Variants in FASTKD2 observed in about 807,000 individuals in gnomAD.
The protein encoded by FASTKD2 is FAST kinase domains 2.
FASTKD2 carries 51 observed loss-of-function variants against 63.6 expected under a neutral mutation model. The observed-to-expected ratio is 0.80, with a 90% CI of 0.64 to 1.01. The LOEUF is 1.01. FASTKD2 is among the 50% of genes least tolerant of loss of function. The probability of loss-of-function intolerance (pLI) is 0.00; values close to 1 mark genes in which losing one functional copy is unlikely to be tolerated. For synonymous variants in FASTKD2, 284 were observed against 293.4 expected (o/e 0.97, Z 0.33); for missense variants, 786 against 831.1 (o/e 0.95, Z 0.67).
In FASTKD2 at chr2:206,766,853, G is replaced by T. The variant is rs1052476894; in HGVS notation, c.160G>T (p.Val54Phe). 10 of 1,607,308 alleles carry T rather than the reference G, an allele frequency of 6.2e-6. No homozygotes were observed. The African/African-American group carries it at 1.3e-4, about 22-fold the overall frequency. The change falls in exon 2 of 12, where the codon GTT (valine) becomes TTT (phenylalanine). Residue 54 changes from valine (V) to phenylalanine (F), a missense_variant. Coordinates refer to ENST00000402774, the MANE Select transcript of FASTKD2 (RefSeq NM_001136193.2). ...CCLGLCKPKI[V>F]HSNWNILNNF... ...TTTGGGACTTTGCAAACCAAAAATA[G>T]TTCATTCAAACTGGAACATTTTAAA...
chr2:206,774,996 C>A (rs147274379), intron 7 of FASTKD2, among the ~76,000 whole-genome samples: 20 of 151,934 alleles, frequency 1.3e-4, no homozygotes, highest in Non-Finnish European at 2.9e-4. Flanking sequence ...TGGAGTCATG[C>A]GGTATTTGTC....
intron 7 of FASTKD2, chr2:206,783,258 G>A (rs754690230): frequency 1.3e-4 from 19 of 147,830 alleles, no homozygotes; most frequent in African/African-American, 4.2e-4. Flanking sequence ...CCCAGTCTCC[G>A]GTGCAGCCTT....
rs1689411130 is a variant in FASTKD2, at chr2:206,765,606, G to T, written c.-192G>T. The stretch of plus-strand genomic sequence containing the variant: ...CTCGTGAGAAGCGCAGCTTCTCGGG[G>T]AAGCTGTCATGGCTGCTCCTGTACG... On this transcript the variant is annotated 5_prime_UTR_variant, in exon 1 of 12. Coordinates refer to ENST00000402774, the MANE Select transcript of FASTKD2 (RefSeq NM_001136193.2). 2.1e-6 allele frequency: 2 copies of T among 968,354 alleles called. No individual in the cohort carries two copies. The allele number at this position is 968,354 out of a possible 1,614,324, so 60.0% of individuals were successfully genotyped here. A position where few individuals can be genotyped will look rare whatever the true frequency, so the allele number is the denominator to read the frequency against.
rs1690333494 is a variant in FASTKD2 at position 206,793,103 on chromosome 2, T to A, written c.*1301T>A. Among the ~76,000 whole-genome samples the A allele has an allele frequency of 6.6e-6, 1 of 151,318 alleles. No individual in the cohort carries two copies. Among genetic ancestry groups the A allele is most frequent in the Non-Finnish European group, 1.5e-5 (1 of 67,906 alleles). On this transcript the variant is annotated 3_prime_UTR_variant, in exon 12 of 12. Coordinates refer to ENST00000402774, the MANE Select transcript of FASTKD2 (RefSeq NM_001136193.2). ...CGGGCATGGTGGTGCATGCCTATAATCCCAGCTACTGGGGAGGCTGAGGCA... is the reference window on the plus strand; with the variant it reads ...CGGGCATGGTGGTGCATGCCTATAAACCCAGCTACTGGGGAGGCTGAGGCA...
intron 6 of FASTKD2, among the ~76,000 whole-genome samples, chr2:206,773,586 T>G (rs1689746269): frequency 6.6e-6 from 1 of 152,154 alleles, no homozygotes; most frequent in South Asian, 2.1e-4. Flanking sequence ...ATGAAATAGG[T>G]GATAACTGTT....
chr2:206,767,461 G>T lies in FASTKD2; in HGVS notation c.768G>T (p.Arg256Ser), dbSNP rs760634549. The change falls in exon 2 of 12, where the codon AGG becomes AGT. Residue 256 changes from arginine (R) to serine (S), a missense_variant. Physicochemically the swap from Arg to Ser is moderately radical, Grantham distance 110. Coordinates refer to ENST00000402774, the MANE Select transcript of FASTKD2 (RefSeq NM_001136193.2). Reference protein sequence around the residue: ...QNTILVQTLLRVTQERINECD... With the variant: ...QNTILVQTLLSVTQERINECD... ...CTATTTTGGTGCAGACTTTGCTGAG[G>T]GTGACCCAGGTAAAATAAAAAGGAG... 1 of 1,609,352 alleles carries T rather than the reference G, an allele frequency of 6.2e-7. No individual in the cohort carries two copies. The highest frequency in any genetic ancestry group is 8.5e-7 in the Non-Finnish European group (1 of 1,179,644).
intron 7 of FASTKD2, among the ~76,000 whole-genome samples, chr2:206,780,523 C>T (rs373276910): frequency 7.9e-5 from 12 of 152,216 alleles, no homozygotes; most frequent in African/African-American, 2.4e-4. Context: ...GTGGGAGATA[C>T]GAGTTGCTTT....
chr2:206,786,957 CT>C, intron 8 of FASTKD2, 58 bp downstream of exon 8: 2 of 998,898 alleles, frequency 2.0e-6, no homozygotes, highest in Non-Finnish European at 3.1e-6. Flanking sequence ...CTACCACTAG[CT>C]ACCATATGAC....
intron 7 of FASTKD2, among the ~76,000 whole-genome samples, chr2:206,781,865 A>G (rs767660180): frequency 1.3e-5 from 2 of 151,612 alleles, no homozygotes; most frequent in African/African-American, 4.8e-5. Flanking sequence ...CATTCAAACT[A>G]TGCTGGTTTC....
At position 206,795,570 on chromosome 2, in the gene FASTKD2, G is replaced by A. The variant is rs973226848; in HGVS notation, c.*3768G>A. ...CTCTTAACACACTTGTAACCCATTTGTGCACACAGGTGTGCCGTGACTCAC... is the reference window on the plus strand; with the variant it reads ...CTCTTAACACACTTGTAACCCATTTATGCACACAGGTGTGCCGTGACTCAC... On this transcript the variant is annotated 3_prime_UTR_variant, in exon 12 of 12. Coordinates refer to ENST00000402774, the MANE Select transcript of FASTKD2 (RefSeq NM_001136193.2). 1.3e-5 allele frequency among the ~76,000 whole-genome samples: 2 copies of A among 152,090 alleles called. No homozygotes were observed. Among genetic ancestry groups the A allele is most frequent in the African/African-American group, 2.4e-5 (1 of 41,420 alleles).
chr2:206,774,527 T>C (rs1395875089), intron 7 of FASTKD2, 130 bp downstream of exon 7: 5 of 661,150 alleles, frequency 7.6e-6, no homozygotes, highest in South Asian at 3.7e-5. Flanking sequence ...AAATAAAACA[T>C]AGTGTTCCTT....
rs771330764 is a variant in FASTKD2 at position 206,788,216 on chromosome 2, C to A, written c.1813+61C>A. 89 of 1,204,358 alleles carry A rather than the reference C, an allele frequency of 7.4e-5. 1 individual carries two copies. The highest frequency in any genetic ancestry group is 8.1e-5 in the Admixed American group (4 of 49,150). The allele number at this position is 1,204,358 out of a possible 1,614,324, so 74.6% of individuals were successfully genotyped here. A position where few individuals can be genotyped will look rare whatever the true frequency, so the allele number is the denominator to read the frequency against. ...GTATTTATTTTCCTTTTTTTCTGACCAAAAAAATAGGTATTTGTGGCAGCA... is the reference window on the plus strand; with the variant it reads ...GTATTTATTTTCCTTTTTTTCTGACAAAAAAAATAGGTATTTGTGGCAGCA... On this transcript the variant is annotated intron_variant, in intron 9 of 11. Transcript: ENST00000402774.
At chr2:206,776,023 T>A (rs761301650) in intron 7 of FASTKD2, among the ~76,000 whole-genome samples, 7 of 151,980 alleles carry the variant, frequency 4.6e-5, no homozygotes, top group Non-Finnish European at 8.8e-5. Context: ...GTTGGCCATT[T>A]GTATGTCTTC....
chr2:206,769,874 G>A (rs181701399), intron 2 of FASTKD2, among the ~76,000 whole-genome samples: 3 of 152,340 alleles, frequency 2.0e-5, no homozygotes, highest in Admixed American at 2.0e-4. Context: ...GTAAAAAAGT[G>A]TTGATGCATA....
Position 206,786,888 on chromosome 2 carries a change from T to C in FASTKD2, c.1583T>C (p.Leu528Pro). 1 of 1,602,906 alleles carries C rather than the reference T, an allele frequency of 6.2e-7. No individual in the cohort carries two copies. The highest frequency in any genetic ancestry group is 8.5e-7 in the Non-Finnish European group (1 of 1,173,326). Residue 528 changes from leucine to proline, a missense_variant, in exon 8 of 12, where the codon CTG becomes CCG. By Grantham distance (98) the Leu-to-Pro change is moderately conservative. Coordinates refer to ENST00000402774, the MANE Select transcript of FASTKD2 (RefSeq NM_001136193.2). ...QLLQKDIISE[L>P]LTSDDMKNAY... The stretch of plus-strand genomic sequence containing the variant: ...CTGCAAAAAGACATCATCAGTGAGC[T>C]GCTGACATCAGGTAGGATGTTAGTG...
In FASTKD2 at chr2:206,794,807, A is replaced by G. The variant is rs1001805; in HGVS notation, c.*3005A>G. ...ATTTCCAAATAACAATGACATTCCA[A>G]TTTATAGAATGTCATGTGTTGTGAG... On this transcript the variant is annotated 3_prime_UTR_variant, in exon 12 of 12. Coordinates refer to ENST00000402774, the MANE Select transcript of FASTKD2 (RefSeq NM_001136193.2). Among the ~76,000 whole-genome samples the G allele has an allele frequency of 0.13, 19,131 of 152,180 alleles. 1,809 individuals are homozygous for G. Among genetic ancestry groups the G allele is most frequent in the African/African-American group, 0.27 (11,184 of 41,452 alleles).
chr2:206,781,306 T>C (rs1043438953), intron 7 of FASTKD2, among the ~76,000 whole-genome samples: 3 of 102,822 alleles, frequency 2.9e-5, no homozygotes, highest in Admixed American at 8.7e-5. Flanking sequence ...TTTCTATGAT[T>C]TTTTTTTTTT....
rs987413267 is a variant in FASTKD2 at position 206,788,060 on chromosome 2, A to G, written c.1718A>G (p.His573Arg). ...PQLPRELPSS[H>R]TNAKVAEVLS... The stretch of plus-strand genomic sequence containing the variant: ...CTGCCGCGGGAGCTGCCATCGTCAC[A>G]TACAAATGCAAAGGTGGCAGAGGTG... The change falls in exon 9 of 12, where the codon CAT (histidine) becomes CGT (arginine). Residue 573 changes from histidine (H) to arginine (R), a missense_variant. Transcript: ENST00000402774. The G allele has an allele frequency of 1.9e-6, 3 of 1,613,908 alleles. No individual in the cohort carries two copies. The highest frequency in any genetic ancestry group is 1.3e-5 in the African/African-American group (1 of 75,046).
chr2:206,780,300 C>T (rs964004081), intron 7 of FASTKD2, among the ~76,000 whole-genome samples: 5 of 152,156 alleles, frequency 3.3e-5, no homozygotes, highest in African/African-American at 1.2e-4. Flanking sequence ...CTAGTAATGA[C>T]AGTTTTCCTT....
Sources: gnomAD v4.1 joint callset for allele counts (sites outside exome capture counted in the v4.1 genomes callset) on GRCh38, gnomAD v4.1.1 for gene constraint, MANE v1.5 for transcripts, NCBI Gene and HGNC (gene_info 2026-07-23, HGNC 2026-07-21) for gene names.